Variants in ANKHD1 observed in about 807,000 individuals in gnomAD.
ANKHD1 encodes ankyrin repeat and KH domain containing 1.
In ANKHD1, 31 loss-of-function variants were observed where a neutral mutation model predicts 230.5. The observed-to-expected ratio is 0.13, with a 90% CI of 0.10 to 0.18. The LOEUF (loss-of-function observed/expected upper bound fraction) is 0.18. ANKHD1 is among the 10% of genes least tolerant of loss of function. ANKHD1 has a pLI of 1.00. For missense variants in ANKHD1, 2,256 were observed against 3,071.3 expected, an observed-to-expected ratio of 0.73 and a Z score of 6.27; for synonymous variants, 1,074 against 1,117.6, an observed-to-expected ratio of 0.96 and a Z score of 0.78.
intron 1 of ANKHD1, among the ~76,000 whole-genome samples, chr5:140,412,971 A>G (rs1027140416): frequency 1.3e-5 from 2 of 152,194 alleles, no homozygotes; most frequent in East Asian, 3.8e-4. Context: ...CACTTACTGA[A>G]TAGATACTGT....
rs1178906706 is a variant in ANKHD1, at chr5:140,456,495, A to G, written c.1243-2130A>G. Among the ~76,000 whole-genome samples, 5 of 152,354 alleles carry G rather than the reference A, an allele frequency of 3.3e-5. No individual in the cohort carries two copies. In the East Asian group the frequency reaches 9.6e-4, roughly 29 times the overall value. On this transcript the variant is annotated intron_variant, in intron 7 of 33. Coordinates refer to ENST00000360839, the MANE Select transcript of ANKHD1 (RefSeq NM_017747.3). ...GCTACAGTAACCAAAACAGCATGGT[A>G]CTTGTACCAAAACAGAGATATAGAC...
chr5:140,530,245 T>C (rs148346821), intron 29 of ANKHD1, among the ~76,000 whole-genome samples: 2,299 of 152,262 alleles, frequency 0.015, 62 homozygotes, highest in African/African-American at 0.052. Context: ...AGGGTCTCAC[T>C]CTATCACCCA....
Position 140,529,024 on chromosome 5 carries a change from C to A in ANKHD1, c.6078C>A (p.Pro2026=). The A allele has an allele frequency of 6.2e-7, 1 of 1,614,144 alleles. No individual in the cohort carries two copies. The highest frequency in any genetic ancestry group is 8.5e-7 in the Non-Finnish European group (1 of 1,180,046). The change falls in exon 29 of 34, where the codon CCC becomes CCA. Residue 2026 remains proline (P), a synonymous_variant. Coordinates refer to ENST00000360839, the MANE Select transcript of ANKHD1 (RefSeq NM_017747.3). ...QKMESFSAVP[P]TKEKVSTQDQ... ...TGGAGTCTTTCTCTGCTGTGCCACC[C>A]ACCAAAGAGAAAGTGTCCACACAGG...
intron 10 of ANKHD1, among the ~76,000 whole-genome samples, chr5:140,471,823 A>G (rs1457696513): frequency 6.6e-6 from 1 of 152,124 alleles, no homozygotes. Flanking sequence ...TAATGAGGGG[A>G]AAAGCTATGT....
At chr5:140,536,829 G>A (rs965495812) in intron 30 of ANKHD1, among the ~76,000 whole-genome samples, 2 of 152,112 alleles carry the variant, frequency 1.3e-5, no homozygotes, top group Non-Finnish European at 2.9e-5. Context: ...TTTGAGACCA[G>A]CCTGACCAAC....
chr5:140,537,933 T>C (rs904568021), intron 31 of ANKHD1, among the ~76,000 whole-genome samples, 153 bp from the exon 32 acceptor site: 2 of 149,616 alleles, frequency 1.3e-5, no homozygotes, highest in Non-Finnish European at 2.9e-5. Flanking sequence ...AGGAACTGGT[T>C]TTTTTTGGCT....
Position 140,402,189 on chromosome 5 carries a change from G to T in ANKHD1, c.222G>T (p.Ala74=), listed in dbSNP as rs1769998827. 1.3e-6 allele frequency: 2 copies of T among 1,524,446 alleles called. No homozygotes were observed. The highest frequency in any genetic ancestry group is 1.8e-6 in the Non-Finnish European group (2 of 1,140,652). 94.4% of individuals were successfully genotyped at this position (1,524,446 alleles called of 1,614,324 possible). A position where few individuals can be genotyped will look rare whatever the true frequency, so the allele number is the denominator to read the frequency against. ...GCGGTACGGGCGGAGGGGACGCGGC[G>T]CTGGATTTCAAGTTGGCGGCTGCCG... ...SGSGTGGGDA[A]LDFKLAAAVL... is the part of the protein sequence containing the mutation. Residue 74 remains alanine (A), a synonymous_variant, in exon 1 of 34, where the codon GCG becomes GCT. Transcript: ENST00000360839.
At chr5:140,513,889 G>GGAGGGTGGACTGCTTGAGCC in intron 24 of ANKHD1, among the ~76,000 whole-genome samples, 1 of 151,950 alleles carries the variant, frequency 6.6e-6, no homozygotes, top group East Asian at 1.9e-4. Flanking sequence ...GGGAGGCTGA[G>GGAGGGTGGACTGCTTGAGCC]CCTAGGAGTT....
chr5:140,446,833 TCTA>T (rs1408628423), intron 6 of ANKHD1, among the ~76,000 whole-genome samples: 1 of 152,198 alleles, frequency 6.6e-6, no homozygotes, highest in Non-Finnish European at 1.5e-5. Flanking sequence ...AGTTTTATAA[TCTA>T]CTTATTTTAC....
intron 10 of ANKHD1, among the ~76,000 whole-genome samples, chr5:140,470,611 C>CTTTTTTTTTTTTTTTTTTTTTTTTTTTGT (rs386405120): frequency 5.6e-5 from 4 of 71,770 alleles, no homozygotes; most frequent in Non-Finnish European, 7.9e-5. Flanking sequence ...CTTGTTTCTG[C>CTTTTTTTTTTTTTTTTTTTTTTTTTTTGT]TTTTTTTTTT....
At chr5:140,514,361 G>A (rs1343637575) in intron 24 of ANKHD1, among the ~76,000 whole-genome samples, 1 of 151,672 alleles carries the variant, frequency 6.6e-6, no homozygotes. Context: ...AGGCATGGTG[G>A]CAGGTGCCTG....
At chr5:140,500,648 CA>C (rs376975917) in intron 15 of ANKHD1, among the ~76,000 whole-genome samples, 103 of 78,726 alleles carry the variant, frequency 1.3e-3, no homozygotes, top group African/African-American at 3.4e-3. Context: ...GACTCTGTCT[CA>C]AAAAAAAAAA....
At chr5:140,427,818 A>C (rs1334270970) in intron 1 of ANKHD1, among the ~76,000 whole-genome samples, 4 of 150,260 alleles carry the variant, frequency 2.7e-5, no homozygotes, top group Non-Finnish European at 5.9e-5. Context: ...TGCCGGGCGG[A>C]GACGTTCCTC....
chr5:140,411,699 T>C (rs1208188082), intron 1 of ANKHD1, among the ~76,000 whole-genome samples: 2 of 151,714 alleles, frequency 1.3e-5, no homozygotes, highest in African/African-American at 2.4e-5. Context: ...TTTTTTTGTA[T>C]TTTTAGTAGA....
At chr5:140,521,463 T>C (rs1480061448) in intron 24 of ANKHD1, among the ~76,000 whole-genome samples, 1 of 151,984 alleles carries the variant, frequency 6.6e-6, no homozygotes, top group Non-Finnish European at 1.5e-5. Flanking sequence ...AGTTGGACCC[T>C]GTCTCTACTT....
At chr5:140,420,545 G>C (rs1464517990) in intron 1 of ANKHD1, among the ~76,000 whole-genome samples, 6 of 152,130 alleles carry the variant, frequency 3.9e-5, no homozygotes, top group African/African-American at 1.4e-4. Flanking sequence ...TGATTCTTTT[G>C]AATGTGCATA....
chr5:140,486,887 A>G (rs1561789519), intron 13 of ANKHD1, 71 bp from the exon 14 acceptor site: 6 of 1,329,518 alleles, frequency 4.5e-6, no homozygotes, highest in Non-Finnish European at 2.1e-6. Context: ...AAAACAGGAT[A>G]TCTGTTTCAT....
chr5:140,500,648 CAAAAAAAAAAA>C (rs376975917), intron 15 of ANKHD1, among the ~76,000 whole-genome samples: 1 of 78,746 alleles, frequency 1.3e-5, no homozygotes, highest in African/African-American at 4.8e-5. Flanking sequence ...GACTCTGTCT[CAAAAAAAAAAA>C]AAAAAAAAAA....
At chr5:140,456,204 TAA>T (rs1775174746) in intron 7 of ANKHD1, among the ~76,000 whole-genome samples, 1 of 151,994 alleles carries the variant, frequency 6.6e-6, no homozygotes, top group East Asian at 1.9e-4. Context: ...CTCAAGGAAA[TAA>T]AAGAGGATAC....
Sources: gnomAD v4.1 joint callset for allele counts (sites outside exome capture counted in the v4.1 genomes callset) on GRCh38, gnomAD v4.1.1 for gene constraint, MANE v1.5 for transcripts, NCBI Gene and HGNC (gene_info 2026-07-23, HGNC 2026-07-21) for gene names.